VPS54: variants seen among roughly 807,000 people sequenced by gnomAD.
VPS54 encodes VPS54 subunit of GARP complex, also known as vacuolar protein sorting-associated protein 54.
A neutral mutation model predicts 121.5 loss-of-function variants in VPS54; 45 were observed. That is an observed-to-expected ratio of 0.37 (90% CI 0.29 to 0.47). The LOEUF (loss-of-function observed/expected upper bound fraction) is 0.47. Ranked by LOEUF, VPS54 falls within the 20% of genes least tolerant of loss-of-function variation. The pLI is 0.99. For missense variants in VPS54, 1,090 were observed against 1,131.4 expected (o/e 0.96, Z 0.52); for synonymous variants, 371 against 385.8 (o/e 0.96, Z 0.45).
intron 12 of VPS54, among the ~76,000 whole-genome samples, chr2:63,925,700 T>C (rs1044497337): frequency 6.6e-6 from 1 of 152,224 alleles, no homozygotes. Context: ...TGGATAGATA[T>C]CACAACTGTA....
intron 7 of VPS54, among the ~76,000 whole-genome samples, chr2:63,960,254 G>A (rs943956984): frequency 6.6e-6 from 1 of 151,940 alleles, no homozygotes; most frequent in African/African-American, 2.4e-5. Context: ...AAATACATAC[G>A]TAAATAATAG....
chr2:63,907,593 A>C (rs180936320), intron 20 of VPS54, among the ~76,000 whole-genome samples: 4 of 152,222 alleles, frequency 2.6e-5, no homozygotes, highest in African/African-American at 9.6e-5. Flanking sequence ...ATAAATAAAT[A>C]AACTGAATTT....
chr2:64,015,660 C>T (rs1424876628), intron 1 of VPS54, among the ~76,000 whole-genome samples: 1 of 152,162 alleles, frequency 6.6e-6, no homozygotes, highest in Non-Finnish European at 1.5e-5. Flanking sequence ...GGAGTCAAAA[C>T]CGTCCTCGCA....
intron 1 of VPS54, among the ~76,000 whole-genome samples, chr2:63,986,280 C>A (rs1434161634): frequency 6.6e-6 from 1 of 152,130 alleles, no homozygotes; most frequent in Non-Finnish European, 1.5e-5. Context: ...CCCCCTTCCC[C>A]CACACTTATC....
intron 12 of VPS54, among the ~76,000 whole-genome samples, chr2:63,926,642 T>TGGGTGCAGCCCATGGA (rs1364441258): frequency 5.3e-5 from 8 of 152,128 alleles, no homozygotes; most frequent in Admixed American, 2.6e-4. Context: ...GGATGGACAG[T>TGGGTGCAGCCCATGGA]GGGTGCAGCC....
chr2:63,957,373 C>T (rs899927254), intron 7 of VPS54, among the ~76,000 whole-genome samples: 8 of 146,850 alleles, frequency 5.4e-5, no homozygotes, highest in South Asian at 2.1e-4. Flanking sequence ...ATCCGGGAGG[C>T]GGAGCTTGCA....
intron 20 of VPS54, among the ~76,000 whole-genome samples, chr2:63,906,046 G>A (rs1055628976): frequency 5.9e-5 from 9 of 151,890 alleles, no homozygotes; most frequent in African/African-American, 2.2e-4. Flanking sequence ...CCTGATAAAG[G>A]CCTCTTAAAA....
intron 12 of VPS54, among the ~76,000 whole-genome samples, chr2:63,928,816 T>C (rs1182979470): frequency 5.0e-5 from 7 of 139,710 alleles, no homozygotes; most frequent in African/African-American, 1.1e-4. Flanking sequence ...TGGAGGAAGA[T>C]CTACCAAGCA....
At chr2:64,013,697 A>G (rs1249747292) in intron 1 of VPS54, among the ~76,000 whole-genome samples, 1 of 146,924 alleles carries the variant, frequency 6.8e-6, no homozygotes, top group Non-Finnish European at 1.5e-5. Flanking sequence ...TATCACATAT[A>G]TAGAGATATA....
chr2:63,917,023 A>G, intron 15 of VPS54, 60 bp from the exon 16 acceptor site: 1 of 1,562,102 alleles, frequency 6.4e-7, no homozygotes, highest in African/African-American at 1.4e-5. Context: ...AATAGAGAAA[A>G]AGCTGAAGAA....
At chr2:63,899,746 G>A (rs1672598488) in intron 20 of VPS54, among the ~76,000 whole-genome samples, 165 bp from the exon 21 acceptor site, 1 of 152,148 alleles carries the variant, frequency 6.6e-6, no homozygotes, top group African/African-American at 2.4e-5. Context: ...TACAAATCTT[G>A]AGAACTTTTC....
intron 12 of VPS54, among the ~76,000 whole-genome samples, chr2:63,925,548 G>GT (rs1385868337): frequency 1.3e-5 from 2 of 152,138 alleles, no homozygotes; most frequent in Non-Finnish European, 1.5e-5. Context: ...TGCAACAAAG[G>GT]TATCTAGAAG....
In VPS54 at chr2:63,990,490, G is replaced by A. The variant is rs183954991; in HGVS notation, c.-20-6471C>T. 2.2e-3 allele frequency among the ~76,000 whole-genome samples: 340 copies of A among 151,892 alleles called. 2 individuals are homozygous for A. Among genetic ancestry groups the A allele is most frequent in the Middle Eastern group, 0.01 (3 of 294 alleles). Reference sequence around the variant, plus strand: ...CTCCTGTCATTTCCATTCCTCAACCGGTCACTTTGCCATCCACTCAGCCTG... The same window carrying A: ...CTCCTGTCATTTCCATTCCTCAACCAGTCACTTTGCCATCCACTCAGCCTG... On this transcript the variant is annotated intron_variant, in intron 1 of 22. Coordinates refer to ENST00000272322, the MANE Select transcript of VPS54 (RefSeq NM_016516.3).
intron 1 of VPS54, among the ~76,000 whole-genome samples, chr2:63,986,849 T>C (rs1192762990): frequency 6.6e-6 from 1 of 152,212 alleles, no homozygotes; most frequent in Non-Finnish European, 1.5e-5. Flanking sequence ...AATACACCCA[T>C]GTGCCATTTG....
chr2:63,915,994 T>A (rs1445690454), intron 16 of VPS54, among the ~76,000 whole-genome samples: 2 of 152,154 alleles, frequency 1.3e-5, no homozygotes, highest in Admixed American at 6.5e-5. Flanking sequence ...ACATTCTTCC[T>A]GGAGGTGGTG....
intron 20 of VPS54, 21 bp downstream of exon 20, chr2:63,912,324 A>T (rs1365042517): frequency 6.3e-7 from 1 of 1,576,642 alleles, no homozygotes; most frequent in Non-Finnish European, 8.7e-7. Flanking sequence ...ACAAAGTCTA[A>T]TAATTTCTAT....
chr2:63,912,470 A>AT, intron 19 of VPS54, 45 bp from the exon 20 acceptor site: 3 of 1,608,806 alleles, frequency 1.9e-6, no homozygotes, highest in Non-Finnish European at 2.5e-6. Context: ...CCTGGGACAC[A>AT]TTTTTAAAAT....
intron 1 of VPS54, among the ~76,000 whole-genome samples, chr2:64,013,704 T>C (rs1678553262): frequency 6.8e-6 from 1 of 146,988 alleles, no homozygotes; most frequent in African/African-American, 2.5e-5. Context: ...TATATAGAGA[T>C]ATATATATCA....
intron 7 of VPS54, among the ~76,000 whole-genome samples, chr2:63,957,433 C>T (rs1447185111): frequency 1.6e-5 from 2 of 127,050 alleles, no homozygotes; most frequent in Non-Finnish European, 3.3e-5. Flanking sequence ...CAGAGCAAGA[C>T]TCCATCTCAA....
Sources: allele counts gnomAD v4.1 joint callset (sites outside exome capture counted in the v4.1 genomes callset), GRCh38; gene constraint gnomAD v4.1.1; transcripts MANE v1.5; gene names NCBI Gene and HGNC (gene_info 2026-07-23, HGNC 2026-07-21).